Variants in MCTP2 observed in about 807,000 individuals in gnomAD.
MCTP2 encodes the protein multiple C2 and transmembrane domain containing 2.
MCTP2 carries 132 observed loss-of-function variants against 111.6 expected under a neutral mutation model. The ratio of observed to expected loss-of-function variants is 1.18; its 90% CI spans 1.03 to 1.37. MCTP2 has a LOEUF of 1.37. Ranked by LOEUF, MCTP2 falls within the 40% of genes most tolerant of loss-of-function variation. MCTP2 has a pLI of 0.00. For missense variants in MCTP2, 1,183 were observed against 1,067.9 expected, an observed-to-expected ratio of 1.11 and a Z score of -1.50; for synonymous variants, 395 against 387.7, an observed-to-expected ratio of 1.02 and a Z score of -0.22.
At chr15:94,475,860 G>C (rs1376023115) in intron 21 of MCTP2, among the ~76,000 whole-genome samples, 2 of 152,120 alleles carry the variant, frequency 1.3e-5, no homozygotes, top group Non-Finnish European at 2.9e-5. Flanking sequence ...GGAACCCAAG[G>C]TGCAGCCACC....
In MCTP2 at chr15:94,345,122, T is replaced by A. The variant is rs761710431; in HGVS notation, c.970-7T>A. ...ATTTTCACCATTCCGCGGACACAAA[T>A]CTTTAGCGTTGGTCAAATCGGAAGC... On this transcript the variant is annotated splice_polypyrimidine_tract_variant and splice_region_variant and intron_variant, in intron 7 of 22. Transcript: ENST00000357742. 1.2e-6 allele frequency: 2 copies of A among 1,612,706 alleles called. No homozygotes were observed. The highest frequency in any genetic ancestry group is 2.2e-5 in the South Asian group (2 of 91,018).
chr15:94,458,445 C>T (rs1459238267), intron 20 of MCTP2, among the ~76,000 whole-genome samples, 199 bp downstream of exon 20: 1 of 152,178 alleles, frequency 6.6e-6, no homozygotes, highest in Non-Finnish European at 1.5e-5. Flanking sequence ...CTGGGGTGAC[C>T]ATACGGCCCA....
At chr15:94,375,540 G>A (rs1210589920) in intron 12 of MCTP2, among the ~76,000 whole-genome samples, 3 of 152,082 alleles carry the variant, frequency 2.0e-5, no homozygotes, top group Admixed American at 1.3e-4. Flanking sequence ...TTTCACCCTT[G>A]AGACTTTTTG....
intron 17 of MCTP2, among the ~76,000 whole-genome samples, chr15:94,421,441 C>T (rs953891013): frequency 6.6e-6 from 1 of 152,176 alleles, no homozygotes; most frequent in African/African-American, 2.4e-5. Flanking sequence ...TATTATCTTA[C>T]AGTGCTGGAG....
intron 3 of MCTP2, among the ~76,000 whole-genome samples, 158 bp from the exon 4 acceptor site, chr15:94,315,371 G>A (rs2076331796): frequency 6.6e-6 from 1 of 152,174 alleles, no homozygotes; most frequent in Non-Finnish European, 1.5e-5. Context: ...TTTTAATAAA[G>A]CAGGGTAACC....
intron 12 of MCTP2, among the ~76,000 whole-genome samples, chr15:94,379,969 G>A (rs962520300): frequency 7.4e-5 from 11 of 149,590 alleles, no homozygotes; most frequent in East Asian, 3.9e-4. Flanking sequence ...GACCTGTCCC[G>A]TCTCCACAAG....
At position 94,462,905 on chromosome 15, in the gene MCTP2, G is replaced by A. The variant is rs1241867450; in HGVS notation, c.2360+4659G>A. Among the ~76,000 whole-genome samples, 4 of 152,172 alleles carry A rather than the reference G, an allele frequency of 2.6e-5. No homozygotes were observed. The East Asian group carries it at 7.7e-4, about 29-fold the overall frequency. Reference sequence around the variant, plus strand: ...CACCTAAAAATATTAACTATTATGAGTATTATTTTATGGCCACTGACTTGA... The same window carrying A: ...CACCTAAAAATATTAACTATTATGAATATTATTTTATGGCCACTGACTTGA... On this transcript the variant is annotated intron_variant, in intron 20 of 22. Transcript: ENST00000357742.
rs1251733343 is a variant in MCTP2, at chr15:94,480,192, GTC to G, written c.*1160_*1161del. 6.6e-6 allele frequency: 1 copy of G among 152,076 alleles called. No homozygotes were observed. Among genetic ancestry groups the G allele is most frequent in the African/African-American group, 2.4e-5 (1 of 41,402 alleles). 9.4% of individuals were successfully genotyped at this position (152,076 alleles called of 1,614,324 possible). A position where few individuals can be genotyped will look rare whatever the true frequency, so the allele number is the denominator to read the frequency against. ...GCGTATATAAAATGTATGCAATTAA[GTC>G]TGTTTAAATGATATTTAAGTTTTAA... On this transcript the variant is annotated 3_prime_UTR_variant, in exon 23 of 23. Transcript: ENST00000357742.
At chr15:94,470,142 G>C (rs939813612) in intron 20 of MCTP2, among the ~76,000 whole-genome samples, 191 bp from the exon 21 acceptor site, 25 of 152,124 alleles carry the variant, frequency 1.6e-4, no homozygotes, top group African/African-American at 5.8e-4. Context: ...GTTTGTGACT[G>C]TCCTTTTAAG....
At chr15:94,385,975 C>A (rs2080446881) in intron 14 of MCTP2, among the ~76,000 whole-genome samples, 1 of 152,154 alleles carries the variant, frequency 6.6e-6, no homozygotes, top group African/African-American at 2.4e-5. Context: ...CCCAAAAGTT[C>A]TATTTGTCTT....
intron 1 of MCTP2, among the ~76,000 whole-genome samples, chr15:94,295,758 A>C (rs781383517): frequency 2.0e-5 from 3 of 152,056 alleles, no homozygotes; most frequent in Non-Finnish European, 2.9e-5. Context: ...TTCTATCTGT[A>C]CAAAAAAATA....
At chr15:94,286,636 C>A (rs2074770525) in intron 1 of MCTP2, among the ~76,000 whole-genome samples, 1 of 152,190 alleles carries the variant, frequency 6.6e-6, no homozygotes, top group Admixed American at 6.5e-5. Context: ...CTCTTTCCTA[C>A]CTTGCGGTTC....
intron 1 of MCTP2, among the ~76,000 whole-genome samples, chr15:94,288,084 A>G (rs12440847): frequency 0.68 from 103,181 of 152,064 alleles, 35,661 homozygotes; most frequent in African/African-American, 0.81. Flanking sequence ...GGAGGGGCAT[A>G]TGCTTTCTAT....
chr15:94,307,705 G>A (rs547576591), intron 2 of MCTP2, among the ~76,000 whole-genome samples: 3 of 152,308 alleles, frequency 2.0e-5, no homozygotes, highest in East Asian at 3.9e-4. Context: ...TAGACACTGG[G>A]TATAGCAGTA....
At chr15:94,473,911 A>T (rs2074128357) in intron 21 of MCTP2, among the ~76,000 whole-genome samples, 1 of 152,152 alleles carries the variant, frequency 6.6e-6, no homozygotes, top group African/African-American at 2.4e-5. Context: ...CAAATGTGCA[A>T]AGCAGCCATG....
chr15:94,297,649 A>G (rs1244427713), intron 1 of MCTP2, among the ~76,000 whole-genome samples: 2 of 152,162 alleles, frequency 1.3e-5, no homozygotes, highest in African/African-American at 4.8e-5. Flanking sequence ...AAGTTTTATT[A>G]CAACACAGCC....
intron 20 of MCTP2, among the ~76,000 whole-genome samples, chr15:94,462,800 CAAT>C (rs1048911234): frequency 3.9e-5 from 6 of 152,104 alleles, no homozygotes; most frequent in South Asian, 4.1e-4. Flanking sequence ...ATGGGAATAA[CAAT>C]AATGATTTCT....
rs183382547 is a variant in MCTP2 at position 94,252,486 on chromosome 15, C to T, written c.-66+20822C>T. On this transcript the variant is annotated intron_variant, in intron 1 of 22. Coordinates refer to ENST00000357742, the MANE Select transcript of MCTP2 (RefSeq NM_001385001.1). ...AAAGATCTGGATTCTAGTAATGTCT[C>T]CATCTTTAATTAGCCATTTGACCTT... Among the ~76,000 whole-genome samples, 3 of 152,284 alleles carry T rather than the reference C, an allele frequency of 2.0e-5. No homozygotes were observed. The East Asian group carries it at 5.8e-4, about 29-fold the overall frequency.
intron 1 of MCTP2, among the ~76,000 whole-genome samples, chr15:94,251,611 G>A (rs2072437113): frequency 6.6e-6 from 1 of 151,074 alleles, no homozygotes; most frequent in South Asian, 2.1e-4. Flanking sequence ...CACCTGCCTC[G>A]GCCTCCCAAA....
Sources: gnomAD v4.1 joint callset for allele counts (sites outside exome capture counted in the v4.1 genomes callset) on GRCh38, gnomAD v4.1.1 for gene constraint, MANE v1.5 for transcripts, NCBI Gene and HGNC (gene_info 2026-07-23, HGNC 2026-07-21) for gene names.